Variants in TOP1MT observed in about 807,000 individuals in gnomAD.
TOP1MT encodes DNA topoisomerase I, mitochondrial.
TOP1MT carries 80 observed loss-of-function variants against 73.9 expected under a neutral mutation model. That is an observed-to-expected ratio of 1.08 (90% confidence interval 0.90 to 1.30). The LOEUF is 1.30. Ranked by LOEUF, TOP1MT falls within the 50% of genes most tolerant of loss-of-function variation. The probability of loss-of-function intolerance (pLI) is 0.00; values close to 1 mark genes in which losing one functional copy is unlikely to be tolerated. For synonymous variants in TOP1MT, 338 were observed against 326.4 expected, an observed-to-expected ratio of 1.04 and a Z score of -0.38; for missense variants, 815 against 808.0, an observed-to-expected ratio of 1.01 and a Z score of -0.10.
intron 7 of TOP1MT, among the ~76,000 whole-genome samples, chr8:143,321,621 G>A (rs1369631449): frequency 9.7e-5 from 3 of 31,062 alleles, no homozygotes; most frequent in South Asian, 1.7e-3. Flanking sequence ...CACGCCACAC[G>A]CACGCCACAC....
At chr8:143,352,488 G>A (rs1386379097) in intron 1 of TOP1MT, among the ~76,000 whole-genome samples, 3 of 152,352 alleles carry the variant, frequency 2.0e-5, no homozygotes, top group Admixed American at 2.0e-4. Flanking sequence ...ATAGAATGAA[G>A]TTAGGCCTCT....
intron 7 of TOP1MT, among the ~76,000 whole-genome samples, chr8:143,321,996 A>T (rs1586758364): frequency 2.0e-5 from 2 of 98,960 alleles, no homozygotes; most frequent in Non-Finnish European, 2.1e-5. Context: ...ACACACATGC[A>T]CGCCACACAC....
At chr8:143,358,882 T>C (rs1325128809), upstream of TOP1MT, among the ~76,000 whole-genome samples, 1 of 152,222 alleles carries the variant, frequency 6.6e-6, no homozygotes, top group Non-Finnish European at 1.5e-5. Flanking sequence ...CTGACCCCAT[T>C]ACTACGCAAC....
chr8:143,335,899 G>A (rs919523844), upstream of TOP1MT, among the ~76,000 whole-genome samples: 1 of 152,224 alleles, frequency 6.6e-6, no homozygotes, highest in East Asian at 1.9e-4. Context: ...GCAATTGCTC[G>A]CTCTTAGGGC....
chr8:143,351,262 T>C (rs995524701), intron 1 of TOP1MT, among the ~76,000 whole-genome samples: 1 of 152,170 alleles, frequency 6.6e-6, no homozygotes, highest in African/African-American at 2.4e-5. Flanking sequence ...CCTTACCATC[T>C]TCAACAAGTG....
intron 1 of TOP1MT, among the ~76,000 whole-genome samples, chr8:143,332,194 G>A (rs1043106426): frequency 5.9e-5 from 9 of 152,214 alleles, no homozygotes; most frequent in Non-Finnish European, 1.2e-4. Flanking sequence ...TGGGTCCTGC[G>A]GATGCAGATC....
rs113815129 is a variant in TOP1MT at position 143,353,096 on chromosome 8, G to A, written c.-39+2869C>T. Among the ~76,000 whole-genome samples, 309 of 152,158 alleles carry A rather than the reference G, an allele frequency of 2.0e-3. 1 individual carries two copies. Among genetic ancestry groups the A allele is most frequent in the African/African-American group, 7.0e-3 (291 of 41,512 alleles). ...ATACAAAACACTCTTACAACTCAACGATAAAAAACAAATAATCCAATTAAA... is the reference window on the plus strand; with the variant it reads ...ATACAAAACACTCTTACAACTCAACAATAAAAAACAAATAATCCAATTAAA... On this transcript the variant is annotated intron_variant, in intron 1 of 5. Transcript: ENST00000518760.
At chr8:143,349,744 A>AAT (rs940533541), upstream of TOP1MT, among the ~76,000 whole-genome samples, 2 of 151,302 alleles carry the variant, frequency 1.3e-5, no homozygotes, top group African/African-American at 4.9e-5. Context: ...GGGTTCAAGT[A>AAT]ATTCTTCTGC....
intron 2 of TOP1MT, 135 bp downstream of exon 2, chr8:143,331,089 T>C: frequency 1.6e-6 from 1 of 643,156 alleles, no homozygotes; most frequent in Non-Finnish European, 2.6e-6. Flanking sequence ...ACGCATCACC[T>C]GCAAGAAGAG....
At chr8:143,324,355 C>T in intron 6 of TOP1MT, 130 bp downstream of exon 6, 1 of 1,447,836 alleles carries the variant, frequency 6.9e-7, no homozygotes, top group Non-Finnish European at 9.4e-7. Context: ...ACAGCATGAC[C>T]TCAGCACGGG....
At chr8:143,342,223 C>T (rs1451370304) in intron 2 of TOP1MT, among the ~76,000 whole-genome samples, 1 of 118,896 alleles carries the variant, frequency 8.4e-6, no homozygotes, top group Non-Finnish European at 1.6e-5. Context: ...GACAGAGTCT[C>T]GCTCTATTAT....
intron 8 of TOP1MT, among the ~76,000 whole-genome samples, chr8:143,320,355 C>A (rs563625006): frequency 2.0e-5 from 3 of 152,252 alleles, no homozygotes; most frequent in South Asian, 2.1e-4. Flanking sequence ...TGGTCTCGAT[C>A]TCCTGACCTC....
chr8:143,352,463 G>A (rs1586786851), intron 1 of TOP1MT, among the ~76,000 whole-genome samples: 1 of 152,220 alleles, frequency 6.6e-6, no homozygotes, highest in African/African-American at 2.4e-5. Flanking sequence ...CAAGGGGTGC[G>A]GACTGTCCAC....
intron 10 of TOP1MT, 150 bp from the exon 11 acceptor site, chr8:143,316,276 T>A: frequency 7.7e-7 from 1 of 1,292,426 alleles, no homozygotes; most frequent in Admixed American, 2.0e-5. Context: ...CAAGGGTCAG[T>A]GACCCTCCAA....
upstream of TOP1MT, chr8:143,334,972 G>C: frequency 8.9e-7 from 1 of 1,119,984 alleles, no homozygotes; most frequent in Non-Finnish European, 1.1e-6. Flanking sequence ...CCCCAGCGGC[G>C]CTCATCCCAA....
chr8:143,326,841 G>A (rs1361796132), intron 3 of TOP1MT, among the ~76,000 whole-genome samples: 2 of 152,168 alleles, frequency 1.3e-5, no homozygotes, highest in African/African-American at 4.8e-5. Flanking sequence ...AAAATACCGG[G>A]GACTGGTCAG....
chr8:143,325,229 G>A, intron 5 of TOP1MT, 117 bp downstream of exon 5: 1 of 969,448 alleles, frequency 1.0e-6, no homozygotes, highest in Non-Finnish European at 1.5e-6. Context: ...GAATGGTGTG[G>A]GGGTCACCAA....
intron 8 of TOP1MT, among the ~76,000 whole-genome samples, chr8:143,320,426 G>A (rs1326865426): frequency 1.3e-5 from 2 of 152,016 alleles, no homozygotes; most frequent in African/African-American, 2.4e-5. Context: ...CACCTTGCCC[G>A]GCTGTTTTTT....
At chr8:143,334,965 C>G, upstream of TOP1MT, 1 of 1,133,200 alleles carries the variant, frequency 8.8e-7, no homozygotes, top group Admixed American at 4.9e-5. Flanking sequence ...CCTCCGCCCC[C>G]AGCGGCGCTC....
Sources: allele counts gnomAD v4.1 joint callset (sites outside exome capture counted in the v4.1 genomes callset), GRCh38; gene constraint gnomAD v4.1.1; transcripts MANE v1.5; gene names NCBI Gene and HGNC (gene_info 2026-07-23, HGNC 2026-07-21).